Variants in SLIT3 observed in about 807,000 individuals in gnomAD.
SLIT3 encodes the protein slit guidance ligand 3, also known as slit homolog 3 protein.
In SLIT3, 68 loss-of-function variants were observed where a neutral mutation model predicts 184.0. The ratio of observed to expected loss-of-function variants is 0.37; its 90% CI spans 0.30 to 0.45. SLIT3 has a LOEUF of 0.45. Among genes scored for constraint, SLIT3 ranks in the 20% least tolerant of loss-of-function variants. The pLI is 1.00. For synonymous variants in SLIT3, 831 were observed against 828.6 expected (o/e 1.00, Z -0.05); for missense variants, 1,707 against 2,026.0 (o/e 0.84, Z 3.02).
rs75179215 is a variant in SLIT3, at chr5:168,698,384, A to G, written c.2943-1953T>C. ...CAGGTGTCTCTAAAAGAAGATGGTCATGGGAAAGCAGACACAGAGAGAGCA... is the reference window on the plus strand; with the variant it reads ...CAGGTGTCTCTAAAAGAAGATGGTCGTGGGAAAGCAGACACAGAGAGAGCA... On this transcript the variant is annotated intron_variant, in intron 27 of 35. Transcript: ENST00000519560. Among the ~76,000 whole-genome samples the G allele has an allele frequency of 7.2e-3, 1,100 of 152,326 alleles. 26 individuals are homozygous for G. The East Asian group carries it at 0.095, about 13-fold the overall frequency.
intron 4 of SLIT3, among the ~76,000 whole-genome samples, chr5:169,058,144 G>A (rs1193044414): frequency 1.3e-5 from 2 of 152,242 alleles, no homozygotes; most frequent in African/African-American, 4.8e-5. Flanking sequence ...GTCTTCTCAC[G>A]TGACTTCTCA....
intron 7 of SLIT3, among the ~76,000 whole-genome samples, chr5:168,820,999 GTC>G: frequency 1.3e-5 from 2 of 152,232 alleles, no homozygotes; most frequent in Admixed American, 1.3e-4. Flanking sequence ...AGGGGGATTA[GTC>G]AGCTCAAGTC....
chr5:169,132,775 T>G (rs939679747), intron 4 of SLIT3, among the ~76,000 whole-genome samples: 1 of 151,228 alleles, frequency 6.6e-6, no homozygotes, highest in Non-Finnish European at 1.5e-5. Flanking sequence ...AAAGAATGAC[T>G]CCTGTCTAGC....
chr5:168,938,951 A>C (rs7735405), intron 4 of SLIT3, among the ~76,000 whole-genome samples: 8,838 of 152,146 alleles, frequency 0.058, 826 homozygotes, highest in African/African-American at 0.2. Flanking sequence ...ATATAGAGAT[A>C]TACCCTGATT....
intron 4 of SLIT3, among the ~76,000 whole-genome samples, chr5:168,973,316 C>T (rs1447042545): frequency 1.3e-5 from 2 of 152,116 alleles, no homozygotes; most frequent in Non-Finnish European, 2.9e-5. Flanking sequence ...GGTGCTATCT[C>T]GGCTCACTGC....
At chr5:168,716,070 C>T (rs542487078) in intron 23 of SLIT3, among the ~76,000 whole-genome samples, 2 of 152,130 alleles carry the variant, frequency 1.3e-5, no homozygotes, top group South Asian at 2.1e-4. Flanking sequence ...TGGGTTCAAG[C>T]GATTCTCCTG....
chr5:169,285,163 C>T (rs1386483697), intron 1 of SLIT3, among the ~76,000 whole-genome samples: 1 of 152,164 alleles, frequency 6.6e-6, no homozygotes, highest in Non-Finnish European at 1.5e-5. Context: ...CTGATCCTCC[C>T]ACCTCAGCCT....
intron 11 of SLIT3, among the ~76,000 whole-genome samples, chr5:168,786,371 C>G (rs1373178073): frequency 6.6e-6 from 1 of 152,188 alleles, no homozygotes; most frequent in East Asian, 1.9e-4. Flanking sequence ...TTGAGCCCAG[C>G]CTACAGGACG....
chr5:169,088,677 A>C (rs1055438027), intron 4 of SLIT3, among the ~76,000 whole-genome samples: 25 of 152,072 alleles, frequency 1.6e-4, no homozygotes, highest in Admixed American at 4.6e-4. Context: ...CTGGGTATCC[A>C]AATCTCCAAG....
At chr5:169,062,132 C>T (rs13177310) in intron 4 of SLIT3, among the ~76,000 whole-genome samples, 1,963 of 152,054 alleles carry the variant, frequency 0.013, 24 homozygotes, top group Middle Eastern at 0.031. Context: ...GGCAGTGAGC[C>T]GAGATCACGC....
chr5:168,699,301 G>A (rs73322458), intron 27 of SLIT3, among the ~76,000 whole-genome samples: 2,897 of 152,342 alleles, frequency 0.019, 93 homozygotes, highest in African/African-American at 0.065. Context: ...CAGACCACAC[G>A]GCAGCACTGG....
chr5:168,670,016 A>G (rs1447012170), intron 34 of SLIT3, 25 bp from the exon 35 acceptor site: 2 of 1,605,692 alleles, frequency 1.2e-6, no homozygotes, highest in African/African-American at 1.3e-5. Flanking sequence ...GAGGATGAGA[A>G]GGGAACTGGA....
rs199567695 is a variant in SLIT3, at chr5:168,669,811, G to A, written c.4308C>T (p.Pro1436=). Residue 1436 remains proline (P), a synonymous_variant, in exon 35 of 36, where the codon CCC becomes CCT. Coordinates refer to ENST00000519560, the MANE Select transcript of SLIT3 (RefSeq NM_003062.4). The part of the protein sequence containing the change: ...DQGEPYCLCQ[P]GFSGEHCQQE... Reference sequence around the variant, plus strand: ...GTTGGCAGTGCTCGCCGCTAAAGCCGGGCTGGCACAGGCAGTAGGGCTCCC... The same window carrying A: ...GTTGGCAGTGCTCGCCGCTAAAGCCAGGCTGGCACAGGCAGTAGGGCTCCC... The A allele has an allele frequency of 5.8e-5, 93 of 1,613,924 alleles. No individual in the cohort carries two copies. The highest frequency in any genetic ancestry group is 3.4e-4 in the Middle Eastern group (2 of 5,852).
intron 1 of SLIT3, among the ~76,000 whole-genome samples, chr5:169,276,217 G>A (rs1012080757): frequency 1.3e-5 from 2 of 152,082 alleles, no homozygotes; most frequent in African/African-American, 2.4e-5. Context: ...CTCCTCCCAG[G>A]TCTATTTCCT....
intron 32 of SLIT3, among the ~76,000 whole-genome samples, chr5:168,678,978 C>A (rs914254391): frequency 1.3e-5 from 2 of 152,184 alleles, no homozygotes; most frequent in African/African-American, 4.8e-5. Flanking sequence ...CTGGAGTTGT[C>A]AGGGTGGGGC....
intron 4 of SLIT3, among the ~76,000 whole-genome samples, chr5:169,061,081 C>T (rs551922469): frequency 2.7e-4 from 41 of 152,170 alleles, no homozygotes; most frequent in Non-Finnish European, 1.5e-4. Flanking sequence ...TGTTGGGATG[C>T]TGTGGGTGTT....
intron 3 of SLIT3, among the ~76,000 whole-genome samples, chr5:169,224,237 T>C (rs1014393857): frequency 1.3e-5 from 2 of 152,140 alleles, no homozygotes; most frequent in African/African-American, 4.8e-5. Flanking sequence ...TTGTCAGGCA[T>C]ACAATAGGAT....
At chr5:168,936,742 T>C (rs966979347) in intron 4 of SLIT3, among the ~76,000 whole-genome samples, 3 of 152,160 alleles carry the variant, frequency 2.0e-5, no homozygotes, top group Non-Finnish European at 2.9e-5. Flanking sequence ...TGACCCTTAA[T>C]GGATACAGGG....
intron 4 of SLIT3, among the ~76,000 whole-genome samples, chr5:169,133,841 C>T (rs1235983497): frequency 6.6e-6 from 1 of 152,258 alleles, no homozygotes; most frequent in Non-Finnish European, 1.5e-5. Flanking sequence ...ACATACTTTC[C>T]CATAATTAAA....
Sources: gnomAD v4.1 joint callset for allele counts (sites outside exome capture counted in the v4.1 genomes callset) on GRCh38, gnomAD v4.1.1 for gene constraint, MANE v1.5 for transcripts, NCBI Gene and HGNC (gene_info 2026-07-23, HGNC 2026-07-21) for gene names.